The following FOXP1 variants were observed in gnomAD, a reference collection of about 807,000 sequenced individuals.
FOXP1 encodes forkhead box protein P1.
A neutral mutation model predicts 98.2 loss-of-function variants in FOXP1; 15 were observed. That is an observed-to-expected ratio of 0.15 (90% CI 0.10 to 0.24). FOXP1 has a LOEUF of 0.24. FOXP1 is among the 10% of genes least tolerant of loss of function. The probability of loss-of-function intolerance (pLI) is 1.00; values close to 1 mark genes in which losing one functional copy is unlikely to be tolerated. For synonymous variants in FOXP1, 371 were observed against 314.5 expected (o/e 1.18, Z -1.90); for missense variants, 633 against 848.5 (o/e 0.75, Z 3.15).
intron 3 of FOXP1, among the ~76,000 whole-genome samples, chr3:71,473,721 T>C (rs138886031): frequency 2.2e-3 from 335 of 151,752 alleles, no homozygotes; most frequent in Non-Finnish European, 3.9e-3. Context: ...AAACTGGTGA[T>C]CCTCAATTGG....
intron 14 of FOXP1, among the ~76,000 whole-genome samples, chr3:70,979,279 C>CAAAAAAAAAAAAAAAAAAAAAAAAA (rs544916383): frequency 1.4e-4 from 6 of 42,562 alleles, no homozygotes; most frequent in Admixed American, 3.1e-4. Context: ...GACTCTACCT[C>CAAAAAAAAAAAAAAAAAAAAAAAAA]AAAAAAAAAA....
intron 3 of FOXP1, among the ~76,000 whole-genome samples, chr3:71,448,140 T>TC (rs1357487620): frequency 1.3e-5 from 2 of 152,028 alleles, no homozygotes; most frequent in Admixed American, 6.6e-5. Flanking sequence ...AGAAATAGAC[T>TC]CCTTCTAAGA....
intron 5 of FOXP1, among the ~76,000 whole-genome samples, chr3:71,214,756 G>T (rs1290945290): frequency 6.6e-6 from 1 of 152,130 alleles, no homozygotes; most frequent in Admixed American, 6.5e-5. Context: ...AGAGAGGAGC[G>T]GGGGAGAGAG....
intron 2 of FOXP1, among the ~76,000 whole-genome samples, chr3:71,579,974 G>A (rs2048031776): frequency 6.6e-6 from 1 of 152,008 alleles, no homozygotes; most frequent in African/African-American, 2.4e-5. Context: ...GCCTTCGCTT[G>A]CACAACAAAG....
intron 7 of FOXP1, among the ~76,000 whole-genome samples, chr3:71,065,981 T>TATATTTTTTAAAGA (rs1491308844): frequency 8.7e-4 from 132 of 151,888 alleles, no homozygotes; most frequent in African/African-American, 3.1e-3. Context: ...TCCTGGCCTG[T>TATATTTTTTAAAGA]ATATTTTTTA....
intron 4 of FOXP1, among the ~76,000 whole-genome samples, chr3:71,314,989 G>C (rs1365313716): frequency 6.8e-6 from 1 of 147,100 alleles, no homozygotes; most frequent in Non-Finnish European, 1.5e-5. Flanking sequence ...TGACTTGGCT[G>C]AACTGTGCCT....
intron 5 of FOXP1, among the ~76,000 whole-genome samples, chr3:71,212,437 G>A (rs1304884036): frequency 6.6e-6 from 1 of 152,140 alleles, no homozygotes; most frequent in Non-Finnish European, 1.5e-5. Context: ...AATCAACCAA[G>A]AAGCCAGATT....
chr3:71,582,842 C>T, intron 1 of FOXP1: 1 of 972,604 alleles, frequency 1.0e-6, no homozygotes, highest in Non-Finnish European at 1.2e-6. Flanking sequence ...AGCTTCCTCG[C>T]CGCTGACTCT....
chr3:71,253,955 A>G lies in FOXP1; in HGVS notation c.-12+45865T>C, dbSNP rs187839016. Among the ~76,000 whole-genome samples the G allele has an allele frequency of 7.1e-4, 108 of 152,286 alleles. 1 individual carries two copies. Among genetic ancestry groups the G allele is most frequent in the Middle Eastern group, 3.4e-3 (1 of 294 alleles). On this transcript the variant is annotated intron_variant, in intron 5 of 20. Coordinates refer to ENST00000649528, the MANE Select transcript of FOXP1 (RefSeq NM_001349338.3). ...AAAAATATTTTGCCTTATAGTTCAA[A>G]TTTTCTGCTATGAACATGTACACCT...
At chr3:71,336,107 G>A (rs545765837) in intron 4 of FOXP1, among the ~76,000 whole-genome samples, 2 of 150,364 alleles carry the variant, frequency 1.3e-5, no homozygotes, top group South Asian at 2.1e-4. Context: ...AAAGACCGTA[G>A]GGTCATATCA....
At chr3:71,378,410 T>C (rs905597874) in intron 3 of FOXP1, among the ~76,000 whole-genome samples, 1 of 152,178 alleles carries the variant, frequency 6.6e-6, no homozygotes, top group African/African-American at 2.4e-5. Flanking sequence ...AAATATTAAA[T>C]GGAAAATTCC....
chr3:70,974,625 A>ACAAT (rs1170150212), intron 17 of FOXP1, among the ~76,000 whole-genome samples: 1 of 152,234 alleles, frequency 6.6e-6, no homozygotes, highest in Non-Finnish European at 1.5e-5. Context: ...CCAAAGGCAT[A>ACAAT]CAATAGAAGG....
intron 5 of FOXP1, chr3:71,210,794 G>T (rs75597960): frequency 0.014 from 2,083 of 152,366 alleles, 25 homozygotes; most frequent in Non-Finnish European, 0.022. Context: ...AGTCAAAGTG[G>T]AGGGCTGTGT....
At chr3:71,533,729 A>T (rs1320097298) in intron 2 of FOXP1, among the ~76,000 whole-genome samples, 2 of 152,238 alleles carry the variant, frequency 1.3e-5, no homozygotes, top group East Asian at 3.8e-4. Context: ...AACATCCTCC[A>T]GACAAATTTT....
At chr3:71,103,142 G>C (rs1484799890) in intron 7 of FOXP1, among the ~76,000 whole-genome samples, 3 of 152,100 alleles carry the variant, frequency 2.0e-5, no homozygotes, top group Non-Finnish European at 4.4e-5. Context: ...TTGCAGCCTG[G>C]TCACATTATC....
intron 3 of FOXP1, among the ~76,000 whole-genome samples, chr3:71,385,307 A>C (rs901438885): frequency 5.3e-5 from 8 of 152,184 alleles, no homozygotes; most frequent in African/African-American, 1.9e-4. Context: ...CTGTATTATA[A>C]ATCACCTAAC....
At chr3:71,348,557 G>GCA (rs2077553275) in intron 4 of FOXP1, among the ~76,000 whole-genome samples, 4 of 134,700 alleles carry the variant, frequency 3.0e-5, no homozygotes, top group African/African-American at 5.8e-5. Flanking sequence ...GTGCGTGCGC[G>GCA]CGCGCACGCA....
intron 5 of FOXP1, among the ~76,000 whole-genome samples, chr3:71,211,183 C>G (rs1321427087): frequency 6.6e-6 from 1 of 152,032 alleles, no homozygotes; most frequent in Non-Finnish European, 1.5e-5. Flanking sequence ...GTTACACTTG[C>G]CCTAACCCAC....
intron 2 of FOXP1, among the ~76,000 whole-genome samples, chr3:71,578,590 T>C (rs2047906670): frequency 6.6e-6 from 1 of 152,166 alleles, no homozygotes; most frequent in East Asian, 1.9e-4. Flanking sequence ...ATATGCACAA[T>C]AAGATTGGCT....
Sources: gnomAD v4.1 joint callset for allele counts (sites outside exome capture counted in the v4.1 genomes callset) on GRCh38, gnomAD v4.1.1 for gene constraint, MANE v1.5 for transcripts, NCBI Gene and HGNC (gene_info 2026-07-23, HGNC 2026-07-21) for gene names.